GALNT13: variants seen among roughly 807,000 people sequenced by gnomAD.
GALNT13 encodes UDP-GalNAc:polypeptide N-acetylgalactosaminyltransferase 13.
In GALNT13, 28 loss-of-function variants were observed where a neutral mutation model predicts 64.2. The observed-to-expected ratio is 0.44, with a 90% CI of 0.32 to 0.60. GALNT13 has a LOEUF of 0.60. Ranked by LOEUF, GALNT13 falls within the 20% of genes least tolerant of loss-of-function variation. The probability of loss-of-function intolerance (pLI) is 0.05; values close to 1 mark genes in which losing one functional copy is unlikely to be tolerated. For synonymous variants in GALNT13, 214 were observed against 224.6 expected (o/e 0.95, Z 0.42); for missense variants, 577 against 669.8 (o/e 0.86, Z 1.53).
chr2:153,419,934 C>CTA, the GALNT13 span, among the ~76,000 whole-genome samples: 1 of 152,054 alleles, frequency 6.6e-6, no homozygotes, highest in African/African-American at 2.4e-5. Context: ...AGTAGTCCAT[C>CTA]TATATATAGT....
At chr2:153,210,935 T>C in the GALNT13 span, among the ~76,000 whole-genome samples, 1 of 152,136 alleles carries the variant, frequency 6.6e-6, no homozygotes, top group Non-Finnish European at 1.5e-5. Flanking sequence ...TAGTAATAAT[T>C]ATAGTGACAT....
At chr2:154,157,970 C>T (rs564629435) in intron 4 of GALNT13, among the ~76,000 whole-genome samples, 39 of 152,246 alleles carry the variant, frequency 2.6e-4, no homozygotes, top group Non-Finnish European at 4.1e-4. Flanking sequence ...TACCTTTTCA[C>T]CCTAACCCCA....
At chr2:153,259,156 G>T in the GALNT13 span, among the ~76,000 whole-genome samples, 1 of 152,132 alleles carries the variant, frequency 6.6e-6, no homozygotes, top group Non-Finnish European at 1.5e-5. Flanking sequence ...TTGGTGAATT[G>T]ACCCCCTTAT....
chr2:153,291,068 A>C, the GALNT13 span, among the ~76,000 whole-genome samples: 1 of 152,220 alleles, frequency 6.6e-6, no homozygotes, highest in Non-Finnish European at 1.5e-5. Context: ...TTTCTCAAAA[A>C]ATAAACAAAG....
chr2:154,437,696 A>G (rs540653148), intron 11 of GALNT13: 61 of 447,454 alleles, frequency 1.4e-4, no homozygotes, highest in Admixed American at 3.7e-4. Context: ...CTCTACTAAA[A>G]TACAAAACAT....
chr2:153,417,829 C>CA, the GALNT13 span, among the ~76,000 whole-genome samples: 1 of 152,054 alleles, frequency 6.6e-6, no homozygotes. Flanking sequence ...TACCTTTAAA[C>CA]ATCATCAGCA....
At chr2:154,341,206 T>C (rs1359258282) in intron 9 of GALNT13, among the ~76,000 whole-genome samples, 9 of 152,070 alleles carry the variant, frequency 5.9e-5, no homozygotes, top group Admixed American at 5.3e-4. Context: ...CCACAATGCC[T>C]GTATGAAAAG....
At position 154,063,762 on chromosome 2, in the gene GALNT13, A is replaced by C. The variant is rs186839830; in HGVS notation, c.143-76575A>C. 4.6e-5 allele frequency among the ~76,000 whole-genome samples: 7 copies of C among 152,330 alleles called. No homozygotes were observed. The East Asian group carries it at 9.7e-4, about 21-fold the overall frequency. On this transcript the variant is annotated intron_variant, in intron 3 of 12. Transcript: ENST00000392825. ...ATTAAATGAGAGGTCTAGTTTCAAA[A>C]GCAAGAGGTTTTTTGCAGTAAAATA...
the GALNT13 span, among the ~76,000 whole-genome samples, chr2:153,470,123 T>C: frequency 6.6e-6 from 1 of 152,192 alleles, no homozygotes; most frequent in African/African-American, 2.4e-5. Context: ...AGCTCCACCA[T>C]TGACTAGCTG....
the GALNT13 span, among the ~76,000 whole-genome samples, chr2:153,679,402 C>G: frequency 6.6e-6 from 1 of 151,990 alleles, no homozygotes; most frequent in African/African-American, 2.4e-5. Context: ...TCTCCTCTGT[C>G]TATATAATTC....
At chr2:153,761,788 A>G in the GALNT13 span, 1 of 153,178 alleles carries the variant, frequency 6.5e-6, no homozygotes, top group Non-Finnish European at 1.5e-5. Context: ...AGAGGTGATG[A>G]CTATAGTTCA....
At chr2:153,996,025 C>T (rs1044039841) in intron 3 of GALNT13, among the ~76,000 whole-genome samples, 2 of 152,078 alleles carry the variant, frequency 1.3e-5, no homozygotes, top group East Asian at 1.9e-4. Flanking sequence ...TTTTAATAGC[C>T]GAATAGCATT....
intron 12 of GALNT13, among the ~76,000 whole-genome samples, chr2:154,442,960 A>T (rs1329505711): frequency 6.6e-6 from 1 of 152,170 alleles, no homozygotes; most frequent in Non-Finnish European, 1.5e-5. Context: ...TCACAATATA[A>T]GGAATTTTTT....
chr2:153,489,309 C>T, the GALNT13 span, among the ~76,000 whole-genome samples: 1 of 152,118 alleles, frequency 6.6e-6, no homozygotes, highest in Non-Finnish European at 1.5e-5. Context: ...CACATGTAAG[C>T]ATGCTTTCTT....
At chr2:153,635,255 G>A in the GALNT13 span, among the ~76,000 whole-genome samples, 3 of 151,710 alleles carry the variant, frequency 2.0e-5, no homozygotes, top group South Asian at 6.2e-4. Context: ...CCCCCAAGTG[G>A]CAATCATAAA....
At chr2:154,385,481 T>C (rs1698468785) in intron 9 of GALNT13, among the ~76,000 whole-genome samples, 2 of 151,980 alleles carry the variant, frequency 1.3e-5, no homozygotes, top group South Asian at 4.1e-4. Context: ...AGCATGGATT[T>C]TGATATTAGA....
At chr2:153,554,678 GTGTGTC>G in the GALNT13 span, among the ~76,000 whole-genome samples, 15,047 of 150,602 alleles carry the variant, frequency 0.1, 1,003 homozygotes, top group East Asian at 0.36. Context: ...GTGTGTGTGT[GTGTGTC>G]TGTGTACGCG....
chr2:154,095,479 A>G (rs1028560508), intron 3 of GALNT13, among the ~76,000 whole-genome samples: 1 of 151,954 alleles, frequency 6.6e-6, no homozygotes, highest in Non-Finnish European at 1.5e-5. Context: ...TGGAACAAAG[A>G]AAGGTCAAGA....
At chr2:154,285,763 A>G (rs1027463819) in intron 8 of GALNT13, among the ~76,000 whole-genome samples, 13 of 152,186 alleles carry the variant, frequency 8.5e-5, no homozygotes, top group South Asian at 6.2e-4. Context: ...ATAACATTGC[A>G]ATTTTGATAG....
Sources: allele counts gnomAD v4.1 joint callset (sites outside exome capture counted in the v4.1 genomes callset), GRCh38; gene constraint gnomAD v4.1.1; transcripts MANE v1.5; gene names NCBI Gene and HGNC (gene_info 2026-07-23, HGNC 2026-07-21).